Variants in PPP2R5A observed in about 807,000 individuals in gnomAD.
PPP2R5A encodes protein phosphatase 2 regulatory subunit B'alpha.
Under a neutral mutation model 64.2 loss-of-function variants are expected in PPP2R5A, and 25 were observed. That is an observed-to-expected ratio of 0.39 (90% CI 0.28 to 0.54). PPP2R5A has a LOEUF of 0.54. Among genes scored for constraint, PPP2R5A ranks in the 20% least tolerant of loss-of-function variants. The probability of loss-of-function intolerance (pLI) is 0.67; values close to 1 mark genes in which losing one functional copy is unlikely to be tolerated. For missense variants in PPP2R5A, 425 were observed against 576.3 expected, an observed-to-expected ratio of 0.74 and a Z score of 2.69; for synonymous variants, 198 against 201.2, an observed-to-expected ratio of 0.98 and a Z score of 0.13.
At chr1:212,321,340 C>A (rs1368459110) in intron 1 of PPP2R5A, among the ~76,000 whole-genome samples, 1 of 145,558 alleles carries the variant, frequency 6.9e-6, no homozygotes, top group Non-Finnish European at 1.5e-5. Flanking sequence ...ACCTCCCTTC[C>A]GGACGGGGCG....
chr1:212,290,452 A>G (rs1192948926), intron 1 of PPP2R5A, among the ~76,000 whole-genome samples: 1 of 152,224 alleles, frequency 6.6e-6, no homozygotes, highest in Non-Finnish European at 1.5e-5. Context: ...TTGTTTACAA[A>G]AGGAAATAAC....
chr1:212,344,783 A>T (rs892499474), intron 4 of PPP2R5A, among the ~76,000 whole-genome samples: 3 of 152,166 alleles, frequency 2.0e-5, no homozygotes, highest in Non-Finnish European at 4.4e-5. Flanking sequence ...TGTGCAGAAT[A>T]TAGGAGTACA....
chr1:212,297,144 C>T (rs1187507829), intron 1 of PPP2R5A, among the ~76,000 whole-genome samples: 1 of 88,268 alleles, frequency 1.1e-5, no homozygotes, highest in Non-Finnish European at 2.1e-5. Flanking sequence ...TTTTTGGAGA[C>T]GGAGTCTCAC....
intron 2 of PPP2R5A, among the ~76,000 whole-genome samples, chr1:212,332,961 G>A (rs1263588934): frequency 6.6e-6 from 1 of 151,328 alleles, no homozygotes; most frequent in Non-Finnish European, 1.5e-5. Context: ...GAATGCAGTG[G>A]TATGATCTCG....
At chr1:212,339,828 G>A (rs1571603665) in intron 3 of PPP2R5A, among the ~76,000 whole-genome samples, 1 of 151,818 alleles carries the variant, frequency 6.6e-6, no homozygotes, top group East Asian at 1.9e-4. Flanking sequence ...TCTTAAGAAG[G>A]GAGAGTAAAT....
chr1:212,356,234 C>G (rs897054364), intron 8 of PPP2R5A, among the ~76,000 whole-genome samples: 1 of 151,958 alleles, frequency 6.6e-6, no homozygotes, highest in African/African-American at 2.4e-5. Context: ...CTAAAATAAC[C>G]TCCCTCTCTC....
chr1:212,358,729 G>C lies in PPP2R5A; in HGVS notation c.1270G>C (p.Glu424Gln), dbSNP rs766012039. The change falls in exon 12 of 13, where the codon GAA becomes CAA. Residue 424 changes from glutamate to glutamine, a missense_variant. Transcript: ENST00000261461. ...ATACAATGTGCTGAAAACCCTAATG[G>C]AAATGAATGGCAAGCTTTTCGATGA... ...LVYNVLKTLM[E>Q]MNGKLFDDLT... 12 of 1,613,494 alleles carry C rather than the reference G, an allele frequency of 7.4e-6. No individual in the cohort carries two copies. In the Admixed American group the frequency reaches 8.3e-5, roughly 11 times the overall value.
intron 8 of PPP2R5A, among the ~76,000 whole-genome samples, chr1:212,354,300 T>C (rs1289464694): frequency 1.3e-5 from 2 of 152,044 alleles, no homozygotes; most frequent in African/African-American, 4.8e-5. Context: ...GGGGGATCTC[T>C]TGAGCCTAGG....
chr1:212,296,708 A>G (rs1658697768), intron 1 of PPP2R5A, among the ~76,000 whole-genome samples: 1 of 152,258 alleles, frequency 6.6e-6, no homozygotes, highest in Non-Finnish European at 1.5e-5. Context: ...CACAGGATTT[A>G]GATAGTCAAT....
At chr1:212,321,822 G>A (rs895806928) in intron 1 of PPP2R5A, among the ~76,000 whole-genome samples, 23 of 151,430 alleles carry the variant, frequency 1.5e-4, no homozygotes, top group Admixed American at 1.4e-3. Flanking sequence ...GGCACTTTGC[G>A]GGGCCAAGGC....
intron 2 of PPP2R5A, among the ~76,000 whole-genome samples, chr1:212,332,892 T>A (rs916077600): frequency 1.3e-5 from 2 of 151,890 alleles, no homozygotes; most frequent in South Asian, 2.1e-4. Context: ...CTTTCTTTTT[T>A]ATTTTTTTAT....
chr1:212,348,123 A>G (rs1430788089), intron 6 of PPP2R5A, among the ~76,000 whole-genome samples: 1 of 152,242 alleles, frequency 6.6e-6, no homozygotes, highest in Non-Finnish European at 1.5e-5. Context: ...AAAAGCAACA[A>G]TGCATAAAGT....
At chr1:212,303,195 T>C (rs1013894476) in intron 1 of PPP2R5A, among the ~76,000 whole-genome samples, 8 of 152,220 alleles carry the variant, frequency 5.3e-5, no homozygotes, top group Admixed American at 1.3e-4. Flanking sequence ...TGCACTATTT[T>C]ACACTCCCAC....
chr1:212,299,480 A>G (rs1013052156), intron 1 of PPP2R5A: 7 of 152,228 alleles, frequency 4.6e-5, no homozygotes, highest in Admixed American at 3.3e-4. Context: ...AAACTTTTTA[A>G]AATACTCTTC....
intron 10 of PPP2R5A, 39 bp downstream of exon 10, chr1:212,357,108 AT>A: frequency 1.3e-6 from 2 of 1,584,502 alleles, no homozygotes; most frequent in African/African-American, 2.7e-5. Flanking sequence ...TTACACTAGT[AT>A]TTCTTTCCTA....
At chr1:212,311,295 C>T (rs754043053) in intron 1 of PPP2R5A, among the ~76,000 whole-genome samples, 38 of 152,138 alleles carry the variant, frequency 2.5e-4, no homozygotes, top group Non-Finnish European at 4.9e-4. Flanking sequence ...GGTGAAACCC[C>T]GTCTCTACTA....
chr1:212,340,140 A>AAT (rs1350063785), intron 3 of PPP2R5A, among the ~76,000 whole-genome samples: 1 of 151,862 alleles, frequency 6.6e-6, no homozygotes, highest in East Asian at 1.9e-4. Context: ...AAAATAAATA[A>AAT]ATATATATAT....
chr1:212,322,265 G>GA lies in PPP2R5A; in HGVS notation c.182-6870_182-6869insA, dbSNP rs1558147153. Among the ~76,000 whole-genome samples, 15 of 85,320 alleles carry GA rather than the reference G, an allele frequency of 1.8e-4. 1 individual carries two copies. Among genetic ancestry groups the GA allele is most frequent in the Admixed American group, 7.5e-4 (6 of 7,978 alleles). The allele number at this position is 85,320 out of a possible 152,430, so 56.0% of individuals were successfully genotyped here. ...GAGAGGAGGGAGAGGGAGAGGGAGA[G>GA]GAGGGAGAGGGAGAGGAGGGAGAGG... On this transcript the variant is annotated intron_variant, in intron 1 of 12. Transcript: ENST00000261461.
chr1:212,333,658 G>T, intron 3 of PPP2R5A, 60 bp downstream of exon 3: 2 of 970,008 alleles, frequency 2.1e-6, no homozygotes, highest in Admixed American at 3.0e-5. Flanking sequence ...CAGAAATCAT[G>T]GTTTTCTCAT....
Sources: allele counts gnomAD v4.1 joint callset (sites outside exome capture counted in the v4.1 genomes callset), GRCh38; gene constraint gnomAD v4.1.1; transcripts MANE v1.5; gene names NCBI Gene and HGNC (gene_info 2026-07-23, HGNC 2026-07-21).